The following IFNGR1 variants were observed in gnomAD, a reference collection of about 807,000 sequenced individuals.
The protein encoded by IFNGR1 is interferon gamma receptor 1, also known as AVP, type 2.
A neutral mutation model predicts 35.4 loss-of-function variants in IFNGR1; 23 were observed. The observed-to-expected ratio is 0.65, with a 90% confidence interval of 0.47 to 0.92. The LOEUF is 0.92. Ranked by LOEUF, IFNGR1 falls within the 40% of genes least tolerant of loss-of-function variation. The pLI is 0.00. For missense variants in IFNGR1, 533 were observed against 583.4 expected (o/e 0.91, Z 0.89); for synonymous variants, 199 against 209.5 (o/e 0.95, Z 0.43).
In IFNGR1 at chr6:137,218,492, G is replaced by C. The variant is rs776527447; in HGVS notation, c.85+751C>G. Reference sequence around the variant, plus strand: ...GAGTGCCGGCAATCCACCACTTCCAGACTGAGACCTAAGACGGACTGCCAC... The same window carrying C: ...GAGTGCCGGCAATCCACCACTTCCACACTGAGACCTAAGACGGACTGCCAC... On this transcript the variant is annotated intron_variant, in intron 1 of 6. Transcript: ENST00000367739. 7.8e-6 allele frequency: 10 copies of C among 1,289,030 alleles called. No individual in the cohort carries two copies. In the South Asian group the frequency reaches 1.2e-4, roughly 16 times the overall value. 79.8% of individuals were successfully genotyped at this position (1,289,030 alleles called of 1,614,324 possible). A position where few individuals can be genotyped will look rare whatever the true frequency, so the allele number is the denominator to read the frequency against.
chr6:137,218,589 T>TCCCCCCCC (rs201457622), intron 1 of IFNGR1: 5 of 576,008 alleles, frequency 8.7e-6, no homozygotes, highest in African/African-American at 8.0e-5. Context: ...GCACTTTGAG[T>TCCCCCCCC]CCCCCCCCCC....
rs576026268 is a variant in IFNGR1 at position 137,211,958 on chromosome 6, AT to A, written c.86-4882del. Among the ~76,000 whole-genome samples the A allele has an allele frequency of 8.5e-5, 13 of 152,110 alleles. No homozygotes were observed. The East Asian group carries it at 2.3e-3, about 27-fold the overall frequency. ...TCGGAGACCATTTCTTCATTTTGGC[AT>A]TTTTTTGCCTCTCGAGAGGCTGAGA... On this transcript the variant is annotated intron_variant, in intron 1 of 6. Coordinates refer to ENST00000367739, the MANE Select transcript of IFNGR1 (RefSeq NM_000416.3).
intron 1 of IFNGR1, 105 bp downstream of exon 1, chr6:137,219,138 G>C (rs1425175348): frequency 4.4e-5 from 64 of 1,459,964 alleles, no homozygotes; most frequent in Non-Finnish European, 5.7e-5. Flanking sequence ...AGGGGTCCCG[G>C]GCTAGGGCGA....
chr6:137,217,089 G>A (rs1346587335), intron 1 of IFNGR1, among the ~76,000 whole-genome samples: 2 of 152,268 alleles, frequency 1.3e-5, no homozygotes, highest in South Asian at 2.1e-4. Flanking sequence ...CTGCGCTAGC[G>A]TTATCCTCTT....
chr6:137,204,239 T>G (rs1397677918), intron 4 of IFNGR1, 93 bp downstream of exon 4: 1 of 1,062,068 alleles, frequency 9.4e-7, no homozygotes, highest in African/African-American at 1.6e-5. Flanking sequence ...TGCTTGAATA[T>G]TTATAAGCAT....
At chr6:137,205,727 C>T (rs149373472) in intron 3 of IFNGR1, among the ~76,000 whole-genome samples, 17 of 152,258 alleles carry the variant, frequency 1.1e-4, no homozygotes, top group African/African-American at 2.9e-4. Context: ...TAAGTGATGG[C>T]CACCTGTTAG....
At chr6:137,202,602 T>TACACACACACACACACAC (rs3839519) in intron 5 of IFNGR1, among the ~76,000 whole-genome samples, 2 of 142,084 alleles carry the variant, frequency 1.4e-5, no homozygotes, top group Non-Finnish European at 3.0e-5. Context: ...AATATATGTA[T>TACACACACACACACACAC]ACACACACAC....
intron 1 of IFNGR1, 52 bp downstream of exon 1, chr6:137,219,187 ATCCC>A (rs1467466250): frequency 1.5e-5 from 23 of 1,553,942 alleles, no homozygotes; most frequent in Middle Eastern, 2.2e-4. Flanking sequence ...GCTGGGGCGG[ATCCC>A]TCCCTCCCTC....
chr6:137,197,884 C>A lies in IFNGR1; in HGVS notation c.*147G>T. ...GCCAAAAGTGAAAATGCCACACATCCTCTTTACGCTTTCATGTACACTAAG... is the reference window on the plus strand; with the variant it reads ...GCCAAAAGTGAAAATGCCACACATCATCTTTACGCTTTCATGTACACTAAG... On this transcript the variant is annotated 3_prime_UTR_variant, in exon 7 of 7. Transcript: ENST00000367739. 9.7e-7 allele frequency: 1 copy of A among 1,033,848 alleles called. No homozygotes were observed. The highest frequency in any genetic ancestry group is 2.6e-5 in the East Asian group (1 of 39,154). 64.0% of individuals were successfully genotyped at this position (1,033,848 alleles called of 1,614,324 possible).
intron 5 of IFNGR1, 50 bp from the exon 6 acceptor site, chr6:137,201,058 T>C (rs1250127167): frequency 6.3e-7 from 1 of 1,588,720 alleles, no homozygotes; most frequent in Non-Finnish European, 8.6e-7. Flanking sequence ...AATACTGCTA[T>C]TATCTATCAA....
intron 5 of IFNGR1, among the ~76,000 whole-genome samples, chr6:137,201,345 G>A (rs995761967): frequency 6.6e-6 from 1 of 152,154 alleles, no homozygotes; most frequent in Non-Finnish European, 1.5e-5. Context: ...GGTTAAAAAT[G>A]CAAAAGAATA....
At chr6:137,218,602 C>T in intron 1 of IFNGR1, 1 of 773,078 alleles carries the variant, frequency 1.3e-6, no homozygotes, top group Non-Finnish European at 1.8e-6. Context: ...CCCCCCCCAC[C>T]CCCGCTAAGA....
At chr6:137,217,287 T>G (rs1453734525) in intron 1 of IFNGR1, among the ~76,000 whole-genome samples, 1 of 152,222 alleles carries the variant, frequency 6.6e-6, no homozygotes, top group Non-Finnish European at 1.5e-5. Flanking sequence ...TGATCCTGCA[T>G]AAAATCATTT....
chr6:137,199,557 A>ATATATTATATAT (rs1582630035), intron 6 of IFNGR1, among the ~76,000 whole-genome samples: 4 of 29,156 alleles, frequency 1.4e-4, no homozygotes, highest in African/African-American at 4.4e-4. Flanking sequence ...ATAACATATA[A>ATATATTATATAT]AATATATATA....
chr6:137,202,861 T>G (rs1212699308), intron 5 of IFNGR1, among the ~76,000 whole-genome samples: 1 of 152,198 alleles, frequency 6.6e-6, no homozygotes, highest in East Asian at 1.9e-4. Context: ...TTACATTTCC[T>G]AACTGCAAAG....
intron 3 of IFNGR1, among the ~76,000 whole-genome samples, chr6:137,205,127 T>C (rs542072959): frequency 2.0e-5 from 3 of 152,164 alleles, no homozygotes; most frequent in Admixed American, 1.3e-4. Context: ...TAAATCTATA[T>C]GGAAAAAAAT....
In IFNGR1 at chr6:137,210,071, C is replaced by A. The variant is rs1248682557; in HGVS notation, c.86-2994G>T. 5.7e-5 allele frequency: 22 copies of A among 383,842 alleles called. No homozygotes were observed. The East Asian group carries it at 6.3e-4, about 11-fold the overall frequency. 23.8% of individuals were successfully genotyped at this position (383,842 alleles called of 1,614,324 possible). On this transcript the variant is annotated intron_variant, in intron 1 of 6. Transcript: ENST00000367739. ...TCTAGTTATTAAAAGTAGTCATGGG[C>A]CAGGTGCGGTGGCCCACACCTGTAA...
At chr6:137,204,533 A>G (rs1426501166) in intron 3 of IFNGR1, 29 bp from the exon 4 acceptor site, 1 of 1,539,470 alleles carries the variant, frequency 6.5e-7, no homozygotes. Flanking sequence ...GAAGTATAAT[A>G]AATACTGGCC....
intron 3 of IFNGR1, among the ~76,000 whole-genome samples, chr6:137,204,775 A>T (rs1779390902): frequency 6.6e-6 from 1 of 152,220 alleles, no homozygotes; most frequent in Non-Finnish European, 1.5e-5. Flanking sequence ...GTAAATAAAA[A>T]TAGTTATAAA....
Sources: allele counts gnomAD v4.1 joint callset (sites outside exome capture counted in the v4.1 genomes callset), GRCh38; gene constraint gnomAD v4.1.1; transcripts MANE v1.5; gene names NCBI Gene and HGNC (gene_info 2026-07-23, HGNC 2026-07-21).